The following RAD51B variants were observed in gnomAD, a reference collection of about 807,000 sequenced individuals.
The protein encoded by RAD51B is RAD51 paralog B.
RAD51B carries 38 observed loss-of-function variants against 42.2 expected under a neutral mutation model. The ratio of observed to expected loss-of-function variants is 0.90; its 90% CI spans 0.70 to 1.18. The LOEUF is 1.18. RAD51B is among the 50% of genes most tolerant of loss of function. RAD51B has a pLI of 0.00. For synonymous variants in RAD51B, 154 were observed against 145.2 expected, an observed-to-expected ratio of 1.06 and a Z score of -0.43; for missense variants, 373 against 400.7, an observed-to-expected ratio of 0.93 and a Z score of 0.59.
At chr14:68,075,510 G>A (rs2076818615) in intron 7 of RAD51B, among the ~76,000 whole-genome samples, 1 of 152,154 alleles carries the variant, frequency 6.6e-6, no homozygotes, top group Admixed American at 6.5e-5. Flanking sequence ...GGCTGACAAG[G>A]AAGAGAGACT....
intron 10 of RAD51B, chr14:68,545,552 C>A (rs1198970138): frequency 8.8e-6 from 4 of 455,882 alleles, no homozygotes; most frequent in African/African-American, 2.0e-5. Flanking sequence ...GTACCTGGGG[C>A]AGAAACAGTG....
At chr14:68,231,081 G>A (rs564810910) in intron 7 of RAD51B, among the ~76,000 whole-genome samples, 5 of 152,282 alleles carry the variant, frequency 3.3e-5, no homozygotes, top group Admixed American at 1.3e-4. Context: ...ACTTCTATCC[G>A]CTGAGGGATT....
At chr14:68,559,810 C>T (rs909382115) in intron 10 of RAD51B, among the ~76,000 whole-genome samples, 2 of 152,202 alleles carry the variant, frequency 1.3e-5, no homozygotes, top group African/African-American at 2.4e-5. Flanking sequence ...CAGACACACA[C>T]GCTTGCCAGG....
intron 9 of RAD51B, among the ~76,000 whole-genome samples, chr14:68,467,749 G>T (rs368420088): frequency 7.9e-5 from 12 of 152,244 alleles, no homozygotes; most frequent in Non-Finnish European, 1.5e-4. Flanking sequence ...TTTGCCTTTC[G>T]CAAGTTATTT....
chr14:67,996,038 G>A (rs2075378279), intron 7 of RAD51B, among the ~76,000 whole-genome samples: 2 of 152,084 alleles, frequency 1.3e-5, no homozygotes, highest in South Asian at 4.2e-4. Flanking sequence ...AGAAAAAGTA[G>A]GGTGGGATGG....
chr14:68,436,603 C>A (rs551369679), intron 9 of RAD51B, among the ~76,000 whole-genome samples: 1 of 152,088 alleles, frequency 6.6e-6, no homozygotes, highest in South Asian at 2.1e-4. Flanking sequence ...CTGCAGGTTT[C>A]TTTGCACAGT....
At chr14:68,140,851 A>G (rs1337904701) in intron 7 of RAD51B, among the ~76,000 whole-genome samples, 1 of 152,198 alleles carries the variant, frequency 6.6e-6, no homozygotes, top group Non-Finnish European at 1.5e-5. Context: ...GGTTAGGCAA[A>G]TCTGGTTAAT....
intron 7 of RAD51B, among the ~76,000 whole-genome samples, chr14:68,179,224 G>C (rs144336438): frequency 1.4e-3 from 219 of 152,284 alleles, no homozygotes; most frequent in Non-Finnish European, 2.6e-3. Flanking sequence ...GTATGCGGCA[G>C]ATGTTTCTCA....
At chr14:67,830,175 T>C (rs72723202) in intron 3 of RAD51B, among the ~76,000 whole-genome samples, 20,059 of 152,140 alleles carry the variant, frequency 0.13, 1,774 homozygotes, top group Non-Finnish European at 0.2. Context: ...GGCTTTGATT[T>C]GGACTTTATT....
At chr14:68,086,296 C>T (rs1419454109) in intron 7 of RAD51B, among the ~76,000 whole-genome samples, 1 of 152,146 alleles carries the variant, frequency 6.6e-6, no homozygotes, top group East Asian at 1.9e-4. Flanking sequence ...GTGCGTTCCT[C>T]TCGCTGTCCA....
At chr14:68,658,727 T>C (rs1163334676) in intron 11 of RAD51B, among the ~76,000 whole-genome samples, 1 of 152,202 alleles carries the variant, frequency 6.6e-6, no homozygotes, top group Admixed American at 6.5e-5. Flanking sequence ...ATCATCCTCG[T>C]CCTCCTGATC....
intron 7 of RAD51B, among the ~76,000 whole-genome samples, chr14:68,054,931 C>A (rs2076450052): frequency 2.0e-5 from 3 of 152,070 alleles, no homozygotes; most frequent in Admixed American, 2.0e-4. Flanking sequence ...GTAGTGGACA[C>A]CCAGCTGGTG....
chr14:67,987,412 A>T (rs924123908), intron 7 of RAD51B, among the ~76,000 whole-genome samples: 3 of 152,122 alleles, frequency 2.0e-5, no homozygotes, highest in African/African-American at 7.2e-5. Flanking sequence ...TTTGATTTTA[A>T]TGGTTAGTAC....
chr14:68,096,990 C>T (rs950947396), intron 7 of RAD51B, among the ~76,000 whole-genome samples: 3 of 152,152 alleles, frequency 2.0e-5, no homozygotes, highest in African/African-American at 7.2e-5. Flanking sequence ...TTAAGCTTTC[C>T]TGACTTGATA....
At chr14:68,476,727 T>G (rs973815096) in intron 10 of RAD51B, among the ~76,000 whole-genome samples, 2 of 152,160 alleles carry the variant, frequency 1.3e-5, no homozygotes, top group African/African-American at 4.8e-5. Context: ...TCCTCACACA[T>G]GCCATGAGAA....
chr14:67,865,806 G>A (rs4902525), intron 5 of RAD51B, among the ~76,000 whole-genome samples: 7,802 of 152,208 alleles, frequency 0.051, 458 homozygotes, highest in African/African-American at 0.15. Flanking sequence ...CCAAAGTGCC[G>A]GGATTACAGG....
intron 7 of RAD51B, among the ~76,000 whole-genome samples, chr14:67,891,410 G>A (rs1393318346): frequency 6.6e-6 from 1 of 151,980 alleles, no homozygotes; most frequent in African/African-American, 2.4e-5. Context: ...TGCTTATCAA[G>A]GTTTTTGGAA....
intron 7 of RAD51B, among the ~76,000 whole-genome samples, chr14:67,989,635 CAAAAAAAAAAAAAA>C (rs764608072): frequency 6.0e-5 from 4 of 66,904 alleles, no homozygotes; most frequent in Admixed American, 1.7e-4. Context: ...AACTCTGTCT[CAAAAAAAAAAAAAA>C]AAAAAAAAGA....
chr14:68,637,663 G>C (rs1406233700), intron 10 of RAD51B, among the ~76,000 whole-genome samples: 1 of 152,210 alleles, frequency 6.6e-6, no homozygotes, highest in Non-Finnish European at 1.5e-5. Flanking sequence ...GGCCCGGCAA[G>C]GAGACAATTG....
Sources: gnomAD v4.1 joint callset for allele counts (sites outside exome capture counted in the v4.1 genomes callset) on GRCh38, gnomAD v4.1.1 for gene constraint, MANE v1.5 for transcripts, NCBI Gene and HGNC (gene_info 2026-07-23, HGNC 2026-07-21) for gene names.